KCNIP3: variants seen among roughly 807,000 people sequenced by gnomAD.
KCNIP3 encodes potassium voltage-gated channel interacting protein 3.
Under a neutral mutation model 35.0 loss-of-function variants are expected in KCNIP3, and 28 were observed. That is an observed-to-expected ratio of 0.80 (90% CI 0.59 to 1.10). The LOEUF (loss-of-function observed/expected upper bound fraction) is 1.10, where lower values mean the gene tolerates loss of function less well. KCNIP3 is among the 50% of genes least tolerant of loss of function. The probability of loss-of-function intolerance (pLI) is 0.00; values close to 1 mark genes in which losing one functional copy is unlikely to be tolerated. For synonymous variants in KCNIP3, 134 were observed against 133.8 expected, an observed-to-expected ratio of 1.00 and a Z score of -0.01; for missense variants, 295 against 338.4, an observed-to-expected ratio of 0.87 and a Z score of 1.01.
At chr2:95,362,449 G>T (rs1679823374) in intron 2 of KCNIP3, among the ~76,000 whole-genome samples, 1 of 152,106 alleles carries the variant, frequency 6.6e-6, no homozygotes, top group South Asian at 2.1e-4. Flanking sequence ...TGGGATAAGG[G>T]CCCAACCTTG....
In KCNIP3 at chr2:95,384,018, G is replaced by C. The variant is rs760172987; in HGVS notation, c.740G>C (p.Ser247Thr). The C allele has an allele frequency of 5.0e-6, 8 of 1,613,830 alleles. No individual in the cohort carries two copies. The highest frequency in any genetic ancestry group is 8.5e-7 in the Non-Finnish European group (1 of 1,179,994). ...TCCATGCAGGATGAGAACATCATGA[G>C]CTCCATGCAGCTGTTTGAGAATGTC... ...EACQKDENIM[S>T]SMQLFENVI Residue 247 changes from serine (S) to threonine (T), a missense_variant, in exon 9 of 9, where the codon AGC becomes ACC. Coordinates refer to ENST00000295225, the MANE Select transcript of KCNIP3 (RefSeq NM_013434.5).
At chr2:95,306,129 G>A (rs530891099) in intron 1 of KCNIP3, among the ~76,000 whole-genome samples, 7 of 152,238 alleles carry the variant, frequency 4.6e-5, no homozygotes, top group African/African-American at 1.4e-4. Context: ...GGGTGATTCC[G>A]TTTCTCCACA....
chr2:95,337,616 G>C (rs1679090537), intron 2 of KCNIP3, among the ~76,000 whole-genome samples: 1 of 152,130 alleles, frequency 6.6e-6, no homozygotes, highest in Non-Finnish European at 1.5e-5. Flanking sequence ...TCTAATTGTT[G>C]TCACCTTCCC....
rs753258968 is a variant in KCNIP3 at position 95,297,447 on chromosome 2, G to A, written c.9G>A (p.Pro3=). The A allele has an allele frequency of 2.7e-5, 43 of 1,573,084 alleles. No homozygotes were observed. The Middle Eastern group carries it at 7.2e-4, about 26-fold the overall frequency. The change falls in exon 1 of 9, where the codon CCG becomes CCA. Residue 3 remains proline, a synonymous_variant. Coordinates refer to ENST00000295225, the MANE Select transcript of KCNIP3 (RefSeq NM_013434.5). The part of the protein sequence containing the change: MQ[P]AKEVTKASDG... ...TTTCTTCAGCGCCCAGGATGCAGCC[G>A]GCTAAGGTAGGTGCTGGGGGAATGG...
Position 95,297,390 on chromosome 2 carries a change from C to T in KCNIP3, c.-49C>T, listed in dbSNP as rs1677888838. The stretch of plus-strand genomic sequence containing the variant: ...AGCCGGCCTGGGCAGTCTTGTCTGC[C>T]TCGGCTGTGAAGTGGGGAGGCTGGC... On this transcript the variant is annotated 5_prime_UTR_variant, in exon 1 of 9. Transcript: ENST00000295225. 5 of 1,545,338 alleles carry T rather than the reference C, an allele frequency of 3.2e-6. No homozygotes were observed. The highest frequency in any genetic ancestry group is 4.4e-6 in the Non-Finnish European group (5 of 1,143,030).
At chr2:95,330,000 G>C (rs1036512545) in intron 2 of KCNIP3, among the ~76,000 whole-genome samples, 2 of 152,198 alleles carry the variant, frequency 1.3e-5, no homozygotes, top group African/African-American at 4.8e-5. Flanking sequence ...TGCAGATCCT[G>C]GCCTCCCTGC....
intron 2 of KCNIP3, among the ~76,000 whole-genome samples, chr2:95,331,519 C>T (rs1678926752): frequency 6.6e-6 from 1 of 152,072 alleles, no homozygotes; most frequent in Non-Finnish European, 1.5e-5. Context: ...GATTTGAAGC[C>T]AAAAGACCGA....
chr2:95,325,165 C>A (rs1678705036), intron 2 of KCNIP3, among the ~76,000 whole-genome samples: 1 of 152,130 alleles, frequency 6.6e-6, no homozygotes, highest in Non-Finnish European at 1.5e-5. Context: ...CAGGCCTGGA[C>A]CCCAACTCGG....
chr2:95,335,241 A>ACTTCTT (rs772325024), intron 2 of KCNIP3, among the ~76,000 whole-genome samples: 83 of 152,386 alleles, frequency 5.4e-4, no homozygotes, highest in South Asian at 2.3e-3. Context: ...TTACCTGTTC[A>ACTTCTT]GTACTTCTTG....
intron 2 of KCNIP3, among the ~76,000 whole-genome samples, chr2:95,324,583 CA>C (rs1446416836): frequency 6.7e-6 from 1 of 149,756 alleles, no homozygotes; most frequent in Non-Finnish European, 1.5e-5. Context: ...TTTTAAAAAA[CA>C]TTTTTTTCAT....
In KCNIP3 at chr2:95,384,169, T is replaced by TACACACACACACAC. The variant is rs58903840; in HGVS notation, c.*144_*157dup. ...GATTTGCAAAAAGTGAACAGATTGC[T>TACACACACACACAC]ACACACACACACACACACACACACA... On this transcript the variant is annotated 3_prime_UTR_variant, in exon 9 of 9. Transcript: ENST00000295225. 142 of 513,384 alleles carry TACACACACACACAC rather than the reference T, an allele frequency of 2.8e-4. 2 individuals carry two copies. Among genetic ancestry groups the TACACACACACACAC allele is most frequent in the Non-Finnish European group, 3.8e-4 (105 of 279,348 alleles). 31.8% of individuals were successfully genotyped at this position (513,384 alleles called of 1,614,324 possible). A position where few individuals can be genotyped will look rare whatever the true frequency, so the allele number is the denominator to read the frequency against.
chr2:95,333,508 C>T (rs1271000836), intron 2 of KCNIP3, among the ~76,000 whole-genome samples: 3 of 152,178 alleles, frequency 2.0e-5, no homozygotes, highest in East Asian at 1.9e-4. Flanking sequence ...AACCTAGCCT[C>T]GAAGAAGGGA....
chr2:95,326,116 T>G (rs1168567054), intron 2 of KCNIP3, among the ~76,000 whole-genome samples: 1 of 150,756 alleles, frequency 6.6e-6, no homozygotes, highest in Non-Finnish European at 1.5e-5. Context: ...CACATACACA[T>G]ACACGCACAC....
intron 2 of KCNIP3, among the ~76,000 whole-genome samples, chr2:95,323,292 G>A (rs951602846): frequency 1.3e-5 from 2 of 152,252 alleles, no homozygotes; most frequent in South Asian, 2.1e-4. Flanking sequence ...CCTCTGGGGT[G>A]CAGGAGGTTG....
Position 95,324,631 on chromosome 2 carries a change from G to T in KCNIP3, c.181+14111G>T, listed in dbSNP as rs750223038. On this transcript the variant is annotated intron_variant, in intron 2 of 8. Transcript: ENST00000295225. ...GCAAAATAAAAAAAATGACAGTTTT[G>T]GCCTGGCATGGTGGCTCACGCCTGT... Among the ~76,000 whole-genome samples, 115 of 151,750 alleles carry T rather than the reference G, an allele frequency of 7.6e-4. 1 individual carries two copies. The highest frequency in any genetic ancestry group is 1.2e-3 in the Admixed American group (19 of 15,248).
chr2:95,380,002 C>T (rs536574118), intron 5 of KCNIP3, among the ~76,000 whole-genome samples: 6 of 152,196 alleles, frequency 3.9e-5, no homozygotes, highest in Admixed American at 3.9e-4. Context: ...CTCCTACCCA[C>T]TTTCCTCTGT....
intron 2 of KCNIP3, among the ~76,000 whole-genome samples, chr2:95,332,590 A>G (rs1678959547): frequency 6.6e-6 from 1 of 152,222 alleles, no homozygotes; most frequent in Non-Finnish European, 1.5e-5. Context: ...AACAAATGTA[A>G]GCATTATTTC....
At chr2:95,370,996 T>C (rs1241627470) in intron 2 of KCNIP3, among the ~76,000 whole-genome samples, 1 of 152,200 alleles carries the variant, frequency 6.6e-6, no homozygotes, top group Non-Finnish European at 1.5e-5. Flanking sequence ...CTTGAACTCC[T>C]GACCTCAAGT....
intron 2 of KCNIP3, among the ~76,000 whole-genome samples, chr2:95,350,396 C>T (rs1430343857): frequency 2.6e-5 from 4 of 152,208 alleles, no homozygotes; most frequent in Admixed American, 6.5e-5. Context: ...GTCTTGGTCA[C>T]GTTAGCACCC....
Sources: gnomAD v4.1 joint callset for allele counts (sites outside exome capture counted in the v4.1 genomes callset) on GRCh38, gnomAD v4.1.1 for gene constraint, MANE v1.5 for transcripts, NCBI Gene and HGNC (gene_info 2026-07-23, HGNC 2026-07-21) for gene names.